The following CENPN variants were observed in gnomAD, a reference collection of about 807,000 sequenced individuals.
CENPN encodes the protein interphase centromere complex protein 32.
In CENPN, 36 loss-of-function variants were observed where a neutral mutation model predicts 48.6. The observed-to-expected ratio is 0.74, with a 90% CI of 0.57 to 0.98. CENPN has a LOEUF of 0.98. Among genes scored for constraint, CENPN ranks in the 50% least tolerant of loss-of-function variants. The probability of loss-of-function intolerance (pLI) is 0.00; values close to 1 mark genes in which losing one functional copy is unlikely to be tolerated. For synonymous variants in CENPN, 166 were observed against 135.2 expected, an observed-to-expected ratio of 1.23 and a Z score of -1.58; for missense variants, 439 against 399.2, an observed-to-expected ratio of 1.10 and a Z score of -0.85.
In CENPN at chr16:81,014,214, C is replaced by T. The variant is rs759078048; in HGVS notation, c.217+33C>T. 6 of 1,588,158 alleles carry T rather than the reference C, an allele frequency of 3.8e-6. No homozygotes were observed. The South Asian group carries it at 4.4e-5, about 12-fold the overall frequency. On this transcript the variant is annotated intron_variant, in intron 3 of 10. Coordinates refer to ENST00000305850, the MANE Select transcript of CENPN (RefSeq NM_001100624.3). ...TCAGTGATTTGTATTTATACTTAAC[C>T]AATCAGTTTATTAGAGGCAATTTTG... is the stretch of plus-strand genomic sequence containing the variant.
chr16:81,028,048 CT>C lies in CENPN; in HGVS notation c.811-122del. The C allele has an allele frequency of 9.2e-6, 8 of 865,820 alleles. No individual in the cohort carries two copies. The East Asian group carries it at 1.1e-4, about 12-fold the overall frequency. The allele number at this position is 865,820 out of a possible 1,614,324, so 53.6% of individuals were successfully genotyped here. A position where few individuals can be genotyped will look rare whatever the true frequency, so the allele number is the denominator to read the frequency against. On this transcript the variant is annotated intron_variant, in intron 9 of 10. Transcript: ENST00000305850. ...TTAGCAGATTAAATGGTCCCCACCC[CT>C]GTTAATTCCTGTATTTCTTAATGGC...
Position 81,028,977 on chromosome 16 carries a change from C to CT in CENPN, c.*332dup. The CT allele has an allele frequency of 9.9e-7, 1 of 1,012,504 alleles. No individual in the cohort carries two copies. Among genetic ancestry groups the CT allele is most frequent in the Non-Finnish European group, 1.2e-6 (1 of 848,344 alleles). 62.7% of individuals were successfully genotyped at this position (1,012,504 alleles called of 1,614,324 possible). A position where few individuals can be genotyped will look rare whatever the true frequency, so the allele number is the denominator to read the frequency against. On this transcript the variant is annotated 3_prime_UTR_variant, in exon 11 of 11. Transcript: ENST00000305850. ...CGCTCAAGACTTTTGGGTTTGTGTCCTTTTTTCTATGGCTGTCTCTTCTCA... is the reference window on the plus strand; with the variant it reads ...CGCTCAAGACTTTTGGGTTTGTGTCCTTTTTTTCTATGGCTGTCTCTTCTCA...
intron 2 of CENPN, among the ~76,000 whole-genome samples, chr16:81,012,801 G>T (rs1403073580): frequency 1.3e-5 from 2 of 152,128 alleles, no homozygotes; most frequent in African/African-American, 2.4e-5. Flanking sequence ...TGCCATGTTG[G>T]CCAGGTTGGT....
rs1414029258 is a variant in CENPN, at chr16:81,011,965, T to C, written c.26T>C (p.Ile9Thr). The C allele has an allele frequency of 1.7e-5, 27 of 1,614,082 alleles. No individual in the cohort carries two copies. The highest frequency in any genetic ancestry group is 6.7e-5 in the Admixed American group (4 of 60,006). MDETVAEF[I>T]KRTILKIPMN... ...ATGGATGAGACTGTTGCTGAGTTCA[T>C]CAAGAGGACCATCTTGAAAATCCCC... Residue 9 changes from isoleucine to threonine, a missense_variant, in exon 2 of 11, where the codon ATC (isoleucine) becomes ACC (threonine). Coordinates refer to ENST00000305850, the MANE Select transcript of CENPN (RefSeq NM_001100624.3).
chr16:81,026,547 A>C lies in CENPN; in HGVS notation c.719A>C (p.Glu240Ala). 6.3e-7 allele frequency: 1 copy of C among 1,594,830 alleles called. No individual in the cohort carries two copies. The highest frequency in any genetic ancestry group is 2.2e-5 in the East Asian group (1 of 44,588). Residue 240 changes from glutamate to alanine, a missense_variant, in exon 9 of 11, where the codon GAA becomes GCA. Transcript: ENST00000305850. ...DINMDSRIIH[E>A]NIVEKERVQR... ...ATAGTGGATTCAAGGATCATTCATGAAAACATAGTAGAAAAAGAGAGAGTC... is the reference window on the plus strand; with the variant it reads ...ATAGTGGATTCAAGGATCATTCATGCAAACATAGTAGAAAAAGAGAGAGTC...
intron 1 of CENPN, among the ~76,000 whole-genome samples, chr16:81,010,521 A>T (rs1357796365): frequency 3.9e-5 from 6 of 152,162 alleles, no homozygotes; most frequent in Admixed American, 3.9e-4. Context: ...TGAGGGAGGA[A>T]AGAGCTCTTT....
chr16:81,027,757 T>A (rs534883813), intron 9 of CENPN, among the ~76,000 whole-genome samples: 2 of 152,300 alleles, frequency 1.3e-5, no homozygotes, highest in East Asian at 1.9e-4. Flanking sequence ...CAGGCTGGAG[T>A]GCAGTGGCAC....
In CENPN at chr16:81,029,764, A is replaced by G. The variant is rs368242597; in HGVS notation, c.*1113A>G. On this transcript the variant is annotated 3_prime_UTR_variant, in exon 11 of 11. Coordinates refer to ENST00000305850, the MANE Select transcript of CENPN (RefSeq NM_001100624.3). Reference sequence around the variant, plus strand: ...TAATTTTTGTATTTTTAGTAGAGACAGGGTTTCTCCATGTTGCCCAGGCTG... The same window carrying G: ...TAATTTTTGTATTTTTAGTAGAGACGGGGTTTCTCCATGTTGCCCAGGCTG... Among the ~76,000 whole-genome samples, 4 of 152,096 alleles carry G rather than the reference A, an allele frequency of 2.6e-5. No homozygotes were observed. Among genetic ancestry groups the G allele is most frequent in the Non-Finnish European group, 5.9e-5 (4 of 68,016 alleles).
chr16:81,029,728 C>A lies in CENPN; in HGVS notation c.*1077C>A, dbSNP rs1330734590. 2.6e-5 allele frequency among the ~76,000 whole-genome samples: 4 copies of A among 152,138 alleles called. No individual in the cohort carries two copies. The highest frequency in any genetic ancestry group is 4.4e-5 in the Non-Finnish European group (3 of 68,012). The stretch of plus-strand genomic sequence containing the variant: ...TAGCTGGGACTACAGGCCTGCACCA[C>A]CATGCCCAGCTAATTTTTGTATTTT... On this transcript the variant is annotated 3_prime_UTR_variant, in exon 11 of 11. Transcript: ENST00000305850.
At chr16:81,026,715 G>A (rs1260313892) in intron 9 of CENPN, 77 bp downstream of exon 9, 1 of 648,280 alleles carries the variant, frequency 1.5e-6, no homozygotes, top group Non-Finnish European at 2.6e-6. Flanking sequence ...GTGGAAAACA[G>A]ATCTAAGAAA....
At position 81,017,015 on chromosome 16, in the gene CENPN, G is replaced by A. The variant is rs80145492; in HGVS notation, c.218-311G>A. 883 of 272,772 alleles carry A rather than the reference G, an allele frequency of 3.2e-3. 16 individuals are homozygous for A. The highest frequency in any genetic ancestry group is 0.019 in the African/African-American group (825 of 42,774). 16.9% of individuals were successfully genotyped at this position (272,772 alleles called of 1,614,324 possible). ...CCTGTGGGGCACAGCATTCCCTGTC[G>A]TGCCAGATTAATGTGGCATTCTGTG... On this transcript the variant is annotated intron_variant, in intron 3 of 10. Transcript: ENST00000305850.
At chr16:81,015,864 G>A (rs1216687900) in intron 3 of CENPN, among the ~76,000 whole-genome samples, 10 of 152,050 alleles carry the variant, frequency 6.6e-5, no homozygotes, top group Non-Finnish European at 1.3e-4. Context: ...AAAATTAGCC[G>A]GGCATGATGG....
At chr16:81,031,775 G>C (rs897619236), downstream of CENPN, among the ~76,000 whole-genome samples, 3 of 152,096 alleles carry the variant, frequency 2.0e-5, no homozygotes, top group African/African-American at 4.8e-5. Context: ...GCTAATTTTT[G>C]TATTTTTAGT....
intron 8 of CENPN, among the ~76,000 whole-genome samples, chr16:81,025,503 C>T (rs563709266): frequency 5.3e-5 from 8 of 152,262 alleles, no homozygotes; most frequent in African/African-American, 1.7e-4. Context: ...CTGTTGATCT[C>T]ATCTTAGGTA....
downstream of CENPN, among the ~76,000 whole-genome samples, chr16:81,031,795 G>T (rs547071581): frequency 1.1e-4 from 17 of 152,242 alleles, no homozygotes; most frequent in South Asian, 2.1e-4. Context: ...TAGAGACAGG[G>T]TTTCACCATG....
In CENPN at chr16:81,015,239, G is replaced by GT. The variant is rs144515911; in HGVS notation, c.217+1066dup. Among the ~76,000 whole-genome samples, 859 of 152,096 alleles carry GT rather than the reference G, an allele frequency of 5.6e-3. 8 individuals are homozygous for GT. Among genetic ancestry groups the GT allele is most frequent in the African/African-American group, 0.02 (811 of 41,500 alleles). ...CTGTCTGTACTTTTTCAAGATGTCT[G>GT]TTTTTTTTATCAGAAGGCAGCATAA... On this transcript the variant is annotated intron_variant, in intron 3 of 10. Transcript: ENST00000305850.
At position 81,030,319 on chromosome 16, in the gene CENPN, C is replaced by T. The variant is rs1367970154; in HGVS notation, c.*1668C>T. 2 of 985,254 alleles carry T rather than the reference C, an allele frequency of 2.0e-6. No homozygotes were observed. Among genetic ancestry groups the T allele is most frequent in the Non-Finnish European group, 2.4e-6 (2 of 829,882 alleles). The allele number at this position is 985,254 out of a possible 1,614,324, so 61.0% of individuals were successfully genotyped here. On this transcript the variant is annotated 3_prime_UTR_variant, in exon 11 of 11. Transcript: ENST00000305850. The stretch of plus-strand genomic sequence containing the variant: ...AGTTACAGAAACACATTAGACTGGG[C>T]ATGGTGGCTCACACTTGTAATCCCA...
chr16:81,027,680 T>C (rs1044276396), intron 9 of CENPN, among the ~76,000 whole-genome samples: 7 of 152,178 alleles, frequency 4.6e-5, no homozygotes, highest in Non-Finnish European at 1.0e-4. Context: ...TGGATGTTGT[T>C]TGATACACCA....
intron 1 of CENPN, among the ~76,000 whole-genome samples, chr16:81,009,815 C>T (rs1049708338): frequency 2.0e-5 from 3 of 152,224 alleles, no homozygotes; most frequent in African/African-American, 7.2e-5. Flanking sequence ...TTGTCTTAAA[C>T]ACAGATGCCA....
Sources: gnomAD v4.1 joint callset for allele counts (sites outside exome capture counted in the v4.1 genomes callset) on GRCh38, gnomAD v4.1.1 for gene constraint, MANE v1.5 for transcripts, NCBI Gene and HGNC (gene_info 2026-07-23, HGNC 2026-07-21) for gene names.